The following PRH1 variants were observed in gnomAD, a reference collection of about 807,000 sequenced individuals.
PRH1 encodes proline rich protein HaeIII subfamily 1.
In PRH1, 7 loss-of-function variants were observed where a neutral mutation model predicts 7.9. The observed-to-expected ratio is 0.89, with a 90% confidence interval of 0.50 to 1.67. The LOEUF is 1.67. Ranked by LOEUF, PRH1 falls within the 40% of genes most tolerant of loss-of-function variation. The pLI, the probability that PRH1 is intolerant of heterozygous loss-of-function variation, is 0.00. For synonymous variants in PRH1, 45 were observed against 80.8 expected (o/e 0.56, Z 2.38); for missense variants, 109 against 223.6 (o/e 0.49, Z 3.27).
chr12:11,031,434 C>T, intron 1 of PRH1: 1 of 964,852 alleles, frequency 1.0e-6, no homozygotes, highest in Non-Finnish European at 1.4e-6. Context: ...AAAAATGGAG[C>T]CACCGACCTT....
At chr12:11,068,451 C>T (rs1263734920) in intron 1 of PRH1, among the ~76,000 whole-genome samples, 1 of 152,132 alleles carries the variant, frequency 6.6e-6, no homozygotes, top group Non-Finnish European at 1.5e-5. Flanking sequence ...ACATGTCTGT[C>T]TAGTTCATTA....
upstream of PRH1, among the ~76,000 whole-genome samples, chr12:10,886,118 A>G (rs1402304996): frequency 1.3e-5 from 2 of 152,174 alleles, no homozygotes. Flanking sequence ...GTTGTATCTC[A>G]GGCACAGAGT....
chr12:11,030,643 C>A (rs773288310), intron 1 of PRH1: 1 of 1,614,158 alleles, frequency 6.2e-7, no homozygotes, highest in Non-Finnish European at 8.5e-7. Context: ...GGAAAAAGAT[C>A]ACAGTTTGCA....
chr12:11,083,345 T>TCTAA (rs1944555365), intron 1 of PRH1, among the ~76,000 whole-genome samples: 1 of 125,442 alleles, frequency 8.0e-6, no homozygotes, highest in Non-Finnish European at 1.8e-5. Flanking sequence ...CTCTTCCTTT[T>TCTAA]TTAAATTAAA....
Position 11,130,805 on chromosome 12 carries a change from A to T in PRH1, n.40-9625T>A, listed in dbSNP as rs531971288. 5.3e-5 allele frequency among the ~76,000 whole-genome samples: 8 copies of T among 152,292 alleles called. No individual in the cohort carries two copies. The East Asian group carries it at 1.5e-3, about 29-fold the overall frequency. Reference sequence around the variant, plus strand: ...GTGCAGAACATTAATCCAAGCATAGAGTCACTCTAAGCACAAGCCCCTATA... The same window carrying T: ...GTGCAGAACATTAATCCAAGCATAGTGTCACTCTAAGCACAAGCCCCTATA... On this transcript the variant is annotated intron_variant and non_coding_transcript_variant, in intron 1 of 1. Transcript: ENST00000541175.
chr12:10,988,102 T>C (rs1257403889), intron 1 of PRH1, among the ~76,000 whole-genome samples: 1 of 152,114 alleles, frequency 6.6e-6, no homozygotes, highest in East Asian at 1.9e-4. Context: ...CATCCTAAAT[T>C]GGCCAAAGTC....
intron 2 of PRH1, among the ~76,000 whole-genome samples, chr12:10,967,114 C>CAAAAAAAAAAAAAAAAAAAAATAA (rs35838979): frequency 1.0e-5 from 1 of 99,346 alleles, no homozygotes; most frequent in Non-Finnish European, 2.0e-5. Flanking sequence ...GACTCCGTCT[C>CAAAAAAAAAAAAAAAAAAAAATAA]AAAAAAAAAA....
chr12:10,971,104 G>A (rs543642028), intron 2 of PRH1, among the ~76,000 whole-genome samples: 2 of 136,534 alleles, frequency 1.5e-5, no homozygotes, highest in African/African-American at 5.4e-5. Context: ...TACTCCCCGT[G>A]TTTACCACAT....
chr12:10,902,640 C>A (rs1212636941), intron 2 of PRH1, among the ~76,000 whole-genome samples: 2 of 152,028 alleles, frequency 1.3e-5, no homozygotes, highest in African/African-American at 4.8e-5. Context: ...AGATCACATA[C>A]AAAGGGAACC....
At chr12:11,077,435 T>C (rs1181427316) in intron 1 of PRH1, 1 of 688,016 alleles carries the variant, frequency 1.5e-6, no homozygotes, top group African/African-American at 1.9e-5. Flanking sequence ...GAAGGATACA[T>C]GATTCCAAGA....
chr12:11,055,148 T>C (rs1015895567), intron 1 of PRH1, among the ~76,000 whole-genome samples: 1 of 151,644 alleles, frequency 6.6e-6, no homozygotes, highest in African/African-American at 2.4e-5. Context: ...CCAAATATTA[T>C]GCCAAATGAC....
At chr12:10,991,655 T>C (rs928219963) in intron 1 of PRH1, among the ~76,000 whole-genome samples, 5 of 151,526 alleles carry the variant, frequency 3.3e-5, no homozygotes, top group African/African-American at 9.7e-5. Context: ...GTGGCTACAT[T>C]ATCTGTAAGG....
intron 1 of PRH1, among the ~76,000 whole-genome samples, chr12:10,981,595 G>A (rs751309096): frequency 6.6e-6 from 1 of 151,922 alleles, no homozygotes; most frequent in Non-Finnish European, 1.5e-5. Flanking sequence ...GGCTGATCTC[G>A]AACTCCTGAC....
intron 1 of PRH1, among the ~76,000 whole-genome samples, chr12:10,984,771 T>C (rs1322148162): frequency 1.3e-5 from 2 of 152,070 alleles, no homozygotes; most frequent in African/African-American, 2.4e-5. Context: ...TTTCTTCCTA[T>C]AATAGAACTT....
At chr12:11,057,135 T>C (rs991911181) in intron 1 of PRH1, among the ~76,000 whole-genome samples, 2 of 152,078 alleles carry the variant, frequency 1.3e-5, no homozygotes, top group Non-Finnish European at 2.9e-5. Flanking sequence ...GTTTCCCAAG[T>C]ATTTGGAACT....
intron 1 of PRH1, chr12:11,097,422 C>CA (rs1403042836): frequency 8.6e-6 from 1 of 116,564 alleles, no homozygotes; most frequent in Non-Finnish European, 2.0e-5. Context: ...AAAGCGTGCT[C>CA]AAAAAATGTG....
At chr12:10,934,538 T>G (rs1358739741) in intron 2 of PRH1, among the ~76,000 whole-genome samples, 1 of 152,120 alleles carries the variant, frequency 6.6e-6, no homozygotes, top group East Asian at 1.9e-4. Flanking sequence ...AATGTCTAAA[T>G]GCAACGCTGA....
chr12:11,148,361 G>C (rs1946939863), intron 1 of PRH1, among the ~76,000 whole-genome samples: 2 of 151,290 alleles, frequency 1.3e-5, no homozygotes, highest in Non-Finnish European at 1.5e-5. Context: ...TCCCTGTCTT[G>C]TGCCAGTTTT....
chr12:10,934,452 A>G (rs2135876189), intron 2 of PRH1, among the ~76,000 whole-genome samples: 1 of 152,226 alleles, frequency 6.6e-6, no homozygotes, highest in Non-Finnish European at 1.5e-5. Flanking sequence ...CAAAATTCCA[A>G]TTAGGAATTA....
Sources: gnomAD v4.1 joint callset for allele counts (sites outside exome capture counted in the v4.1 genomes callset) on GRCh38, gnomAD v4.1.1 for gene constraint, MANE v1.5 for transcripts, NCBI Gene and HGNC (gene_info 2026-07-23, HGNC 2026-07-21) for gene names.